ARHGEF9: variants seen among roughly 807,000 people sequenced by gnomAD.
The protein encoded by ARHGEF9 is rho guanine nucleotide exchange factor 9.
In ARHGEF9, 2 loss-of-function variants were observed where a neutral mutation model predicts 41.3. The ratio of observed to expected loss-of-function variants is 0.05; its 90% CI spans 0.02 to 0.15. The LOEUF is 0.15. ARHGEF9 is among the 10% of genes least tolerant of loss of function. The pLI is 1.00. For missense variants in ARHGEF9, 225 were observed against 424.7 expected (o/e 0.53, Z 4.13); for synonymous variants, 160 against 154.4 (o/e 1.04, Z -0.27).
intron 1 of ARHGEF9, among the ~76,000 whole-genome samples, chrX:63,751,615 A>C (rs781974021): frequency 3.6e-5 from 4 of 111,571 alleles, no homozygotes; most frequent in Non-Finnish European, 7.5e-5. Flanking sequence ...AACCCATTTC[A>C]ACAGCTAAAT....
At chrX:63,648,379 C>A (rs1224759658) in intron 8 of ARHGEF9, among the ~76,000 whole-genome samples, 5 of 110,991 alleles carry the variant, frequency 4.5e-5, no homozygotes, top group African/African-American at 9.8e-5. Flanking sequence ...GAAATAAAAT[C>A]CTTTACAGAC....
Position 63,637,846 on chromosome X carries a change from CTGTGTGTGTG to C in ARHGEF9, c.*172_*181del, listed in dbSNP as rs10542660. 13 of 310,494 alleles carry C rather than the reference CTGTGTGTGTG, an allele frequency of 4.2e-5. No homozygotes were observed. The highest frequency in any genetic ancestry group is 1.5e-4 in the African/African-American group (5 of 32,409). The allele number at this position is 310,494 out of a possible 1,213,427, so 25.6% of individuals were successfully genotyped here. On this transcript the variant is annotated 3_prime_UTR_variant, in exon 10 of 10. Coordinates refer to ENST00000671741, the MANE Select transcript of ARHGEF9 (RefSeq NM_001353921.2). The stretch of plus-strand genomic sequence containing the variant: ...GAAAACACTTTTGTTCCTTATCTCT[CTGTGTGTGTG>C]TGTGTGTGTGTGTGTGTGTGTGTGT...
At chrX:63,677,373 C>G (rs782410520) in intron 5 of ARHGEF9, among the ~76,000 whole-genome samples, 1 of 112,117 alleles carries the variant, frequency 8.9e-6, no homozygotes, top group East Asian at 2.8e-4. Context: ...ATCTAATCTT[C>G]TCCCTCAGGG....
At chrX:63,671,666 C>T (rs1463939837) in intron 6 of ARHGEF9, among the ~76,000 whole-genome samples, 1 of 112,192 alleles carries the variant, frequency 8.9e-6, no homozygotes, top group Non-Finnish European at 1.9e-5. Context: ...CTCTGTCTTT[C>T]ACCATCATTG....
intron 1 of ARHGEF9, among the ~76,000 whole-genome samples, chrX:63,739,934 G>C (rs1382156959): frequency 8.9e-6 from 1 of 111,916 alleles, no homozygotes; most frequent in African/African-American, 3.3e-5. Flanking sequence ...CACAATGTCT[G>C]CAGCAGGGGG....
At chrX:63,638,778 T>G in intron 9 of ARHGEF9, 1 of 293,410 alleles carries the variant, frequency 3.4e-6, no homozygotes, top group Non-Finnish European at 6.0e-6. Flanking sequence ...GGGTTGAGAG[T>G]GATGAACCTG....
intron 1 of ARHGEF9, among the ~76,000 whole-genome samples, chrX:63,728,538 A>G (rs1275250889): frequency 1.8e-5 from 2 of 112,715 alleles, no homozygotes; most frequent in Non-Finnish European, 3.7e-5. Flanking sequence ...AGTCAGAAAC[A>G]CAAACTTAAA....
At chrX:63,755,072 G>C (rs1418092862) in intron 1 of ARHGEF9, 2 of 939,156 alleles carry the variant, frequency 2.1e-6, no homozygotes, top group Non-Finnish European at 2.6e-6. Context: ...CCGGCTGCCA[G>C]ACACTCGTTC....
chrX:63,655,794 T>G, intron 7 of ARHGEF9, 57 bp from the exon 8 acceptor site: 1 of 1,176,395 alleles, frequency 8.5e-7, no homozygotes, highest in Non-Finnish European at 1.1e-6. Flanking sequence ...ACTAGAAGAG[T>G]TGGCACAGGG....
chrX:63,635,829 A>G lies in ARHGEF9; in HGVS notation c.*2199T>C, dbSNP rs782690165. 1.9e-5 allele frequency: 3 copies of G among 156,019 alleles called. No individual in the cohort carries two copies. The highest frequency in any genetic ancestry group is 3.2e-5 in the African/African-American group (1 of 30,915). 12.9% of individuals were successfully genotyped at this position (156,019 alleles called of 1,213,427 possible). On this transcript the variant is annotated 3_prime_UTR_variant, in exon 10 of 10. Transcript: ENST00000671741. ...CCAAGCCTAGTAAGGAGGAGTGAGA[A>G]GTTGGAAAAAGAGGTACACTGAAGG...
At position 63,635,282 on chromosome X, in the gene ARHGEF9, GA is replaced by G. The variant is rs1454296651; in HGVS notation, c.*2745del. On this transcript the variant is annotated 3_prime_UTR_variant, in exon 10 of 10. Transcript: ENST00000671741. ...GATCCATTAGAAATATACACATAGA[GA>G]GGGGGGGAAAAAGAGAGAATAATTA... The G allele has an allele frequency of 1.0e-4, 53 of 511,044 alleles. No individual in the cohort carries two copies. The highest frequency in any genetic ancestry group is 9.5e-4 in the African/African-American group (39 of 40,977). The allele number at this position is 511,044 out of a possible 1,213,427, so 42.1% of individuals were successfully genotyped here. A position where few individuals can be genotyped will look rare whatever the true frequency, so the allele number is the denominator to read the frequency against.
At chrX:63,732,276 C>A (rs2054352975) in intron 1 of ARHGEF9, 1 of 111,609 alleles carries the variant, frequency 9.0e-6, no homozygotes, top group African/African-American at 3.3e-5. Context: ...TTTCCTACTG[C>A]CTGCTCCACA....
At chrX:63,687,181 TC>T (rs782232667) in intron 4 of ARHGEF9, among the ~76,000 whole-genome samples, 1 of 111,658 alleles carries the variant, frequency 9.0e-6, no homozygotes, top group Non-Finnish European at 1.9e-5. Context: ...ACTTCATCAG[TC>T]CTCTGGGAAC....
chrX:63,635,585 G>T lies in ARHGEF9; in HGVS notation c.*2443C>A, dbSNP rs1165238444. 2 of 422,684 alleles carry T rather than the reference G, an allele frequency of 4.7e-6. No individual in the cohort carries two copies. Among genetic ancestry groups the T allele is most frequent in the Non-Finnish European group, 8.2e-6 (2 of 244,461 alleles). The allele number at this position is 422,684 out of a possible 1,213,427, so 34.8% of individuals were successfully genotyped here. A position where few individuals can be genotyped will look rare whatever the true frequency, so the allele number is the denominator to read the frequency against. ...GGAATACTCCAACCAATGGGGAAATGATTTCTTGTTGTTCACAAATTAGTG... is the reference window on the plus strand; with the variant it reads ...GGAATACTCCAACCAATGGGGAAATTATTTCTTGTTGTTCACAAATTAGTG... On this transcript the variant is annotated 3_prime_UTR_variant, in exon 10 of 10. Transcript: ENST00000671741.
intron 1 of ARHGEF9, among the ~76,000 whole-genome samples, chrX:63,774,684 T>C (rs782392291): frequency 3.6e-5 from 4 of 111,920 alleles, no homozygotes; most frequent in Non-Finnish European, 3.8e-5. Flanking sequence ...AACTGTGCTA[T>C]GTGAAAGGCT....
intron 4 of ARHGEF9, among the ~76,000 whole-genome samples, chrX:63,687,140 C>T (rs1413709555): frequency 1.8e-5 from 2 of 111,712 alleles, no homozygotes; most frequent in Non-Finnish European, 3.8e-5. Context: ...ATCAGAAAGG[C>T]TGTTTAACAG....
At chrX:63,684,434 T>C (rs2050852955) in intron 4 of ARHGEF9, among the ~76,000 whole-genome samples, 1 of 111,536 alleles carries the variant, frequency 9.0e-6, no homozygotes, top group Non-Finnish European at 1.9e-5. Flanking sequence ...TATATATTGG[T>C]ACAGCAGCCA....
intron 2 of ARHGEF9, among the ~76,000 whole-genome samples, chrX:63,714,163 C>T (rs2053145288): frequency 9.0e-6 from 1 of 111,695 alleles, no homozygotes; most frequent in Non-Finnish European, 1.9e-5. Flanking sequence ...TGACCTCAGG[C>T]AAGCTACCCT....
intron 4 of ARHGEF9, among the ~76,000 whole-genome samples, chrX:63,696,241 T>C (rs1399082304): frequency 8.9e-6 from 1 of 112,020 alleles, no homozygotes; most frequent in Non-Finnish European, 1.9e-5. Context: ...CATGCTTTTG[T>C]GTGTCATTTG....
Sources: gnomAD v4.1 joint callset for allele counts (sites outside exome capture counted in the v4.1 genomes callset) on GRCh38, gnomAD v4.1.1 for gene constraint, MANE v1.5 for transcripts, NCBI Gene and HGNC (gene_info 2026-07-23, HGNC 2026-07-21) for gene names.